The following DYTN variants were observed in gnomAD, a reference collection of about 807,000 sequenced individuals.
The protein encoded by DYTN is dystrotelin.
DYTN carries 75 observed loss-of-function variants against 69.6 expected under a neutral mutation model. The observed-to-expected ratio is 1.08, with a 90% CI of 0.89 to 1.31. DYTN has a LOEUF of 1.31. Among genes scored for constraint, DYTN ranks in the 50% most tolerant of loss-of-function variants. The probability of loss-of-function intolerance (pLI) is 0.00; values close to 1 mark genes in which losing one functional copy is unlikely to be tolerated. For missense variants in DYTN, 726 were observed against 688.4 expected (o/e 1.05, Z -0.61); for synonymous variants, 252 against 249.1 (o/e 1.01, Z -0.11).
chr2:206,663,483 A>T (rs913246541), intron 10 of DYTN, 88 bp from the exon 11 acceptor site: 1 of 1,367,422 alleles, frequency 7.3e-7, no homozygotes, highest in Non-Finnish European at 9.7e-7. Flanking sequence ...CCAACAGAAC[A>T]TTCTAATGCA....
chr2:206,657,011 C>T (rs1699458241), intron 11 of DYTN, among the ~76,000 whole-genome samples: 2 of 151,206 alleles, frequency 1.3e-5, no homozygotes, highest in South Asian at 4.2e-4. Flanking sequence ...ATCCGCCCAC[C>T]TCGGCTTCCC....
chr2:206,704,939 AAG>A lies in DYTN; in HGVS notation c.385_386del (p.Leu129PhefsTer8), dbSNP rs1489586363. The A allele has an allele frequency of 4.3e-6, 7 of 1,613,208 alleles. No homozygotes were observed. The highest frequency in any genetic ancestry group is 5.9e-6 in the Non-Finnish European group (7 of 1,179,528). On this transcript the variant is annotated frameshift_variant and splice_region_variant, in exon 5 of 12. Transcript: ENST00000452335. LOFTEE classifies it high-confidence loss of function. ...TGCTATTTTCTGCATAGAGTTGAAA[AAG>A]AGCTAGACATGTAGGAGGAACAATC... is the stretch of plus-strand genomic sequence containing the variant. ...GDSPLSKYRALFQLYAENSRG... is the reference protein window; with the variant it reads ...GDSPLSKYRAXFQLYAENSRG...
rs1230202404 is a variant in DYTN at position 206,663,328 on chromosome 2, G to A, written c.1208C>T (p.Ser403Phe). The A allele has an allele frequency of 6.2e-7, 1 of 1,613,984 alleles. No individual in the cohort carries two copies. The highest frequency in any genetic ancestry group is 2.2e-5 in the East Asian group (1 of 44,892). The change falls in exon 11 of 12, where the codon TCT becomes TTT. Residue 403 changes from serine to phenylalanine, a missense_variant. By Grantham distance (155) the Ser-to-Phe change is radical. Coordinates refer to ENST00000452335, the MANE Select transcript of DYTN (RefSeq NM_001093730.1). The part of the protein sequence containing the change: ...FQNVGNKVDH[S>F]STEKVPKGGD... ...TCCCTTTGGAACCTTTTCAGTTGAA[G>A]AATGGTCAACCTTGTTCCCCACATT... is the stretch of plus-strand genomic sequence containing the variant.
intron 9 of DYTN, among the ~76,000 whole-genome samples, chr2:206,673,227 A>G (rs941102385): frequency 3.9e-5 from 6 of 152,160 alleles, no homozygotes; most frequent in Non-Finnish European, 7.4e-5. Flanking sequence ...TGAACATTTT[A>G]CTGACATATG....
At chr2:206,712,815 T>C (rs570067627) in intron 1 of DYTN, among the ~76,000 whole-genome samples, 1 of 152,342 alleles carries the variant, frequency 6.6e-6, no homozygotes, top group East Asian at 1.9e-4. Flanking sequence ...GAGAGCACCG[T>C]CGCCTTCCCC....
At chr2:206,668,055 T>C (rs796575832) in intron 9 of DYTN, among the ~76,000 whole-genome samples, 2 of 152,166 alleles carry the variant, frequency 1.3e-5, no homozygotes, top group South Asian at 4.1e-4. Context: ...TGCTCGTAAT[T>C]GGAGTTTCAG....
intron 9 of DYTN, chr2:206,686,454 T>C (rs1398844467): frequency 1.3e-5 from 2 of 152,344 alleles, no homozygotes; most frequent in African/African-American, 2.4e-5. Flanking sequence ...CCATGAACGA[T>C]AACCAGCAGG....
intron 7 of DYTN, among the ~76,000 whole-genome samples, chr2:206,697,696 TAAACAC>T: frequency 6.6e-6 from 1 of 152,350 alleles, no homozygotes; most frequent in East Asian, 1.9e-4. Flanking sequence ...CTAGAGAGGT[TAAACAC>T]CTTGCCCAGG....
Position 206,699,860 on chromosome 2 carries a change from AT to A in DYTN, c.585del (p.Lys195AsnfsTer50). 6.2e-7 allele frequency: 1 copy of A among 1,613,388 alleles called. No homozygotes were observed. The highest frequency in any genetic ancestry group is 8.5e-7 in the Non-Finnish European group (1 of 1,179,710). On this transcript the variant is annotated frameshift_variant, in exon 7 of 12. Transcript: ENST00000452335. LOFTEE classifies it high-confidence loss of function. Reference protein sequence around the residue: ...GVLSPAIKEEKFLSWVQSEPP... With the variant: ...GVLSPAIKEEXFLSWVQSEPP... ...GGCTCAGATTGGACCCAAGACAGGA[AT>A]TTTTCTTCTTTGATTGCTGGGCTCA...
chr2:206,686,729 GC>G (rs1165428344), intron 9 of DYTN: 1 of 152,356 alleles, frequency 6.6e-6, no homozygotes, highest in Non-Finnish European at 1.5e-5. Flanking sequence ...CATTGGCATA[GC>G]TTTTTGCACA....
chr2:206,700,283 G>T, intron 5 of DYTN, 67 bp from the exon 6 acceptor site: 1 of 1,569,064 alleles, frequency 6.4e-7, no homozygotes, highest in South Asian at 1.1e-5. Context: ...GGAGCAGCAG[G>T]GCTGAGAGCT....
At chr2:206,697,644 A>G (rs1699933162) in intron 7 of DYTN, among the ~76,000 whole-genome samples, 2 of 152,212 alleles carry the variant, frequency 1.3e-5, no homozygotes, top group Admixed American at 6.5e-5. Flanking sequence ...GAATTTTACT[A>G]AAAACAAAAC....
intron 7 of DYTN, among the ~76,000 whole-genome samples, chr2:206,697,125 T>C (rs772416401): frequency 2.6e-5 from 4 of 152,246 alleles, no homozygotes; most frequent in Non-Finnish European, 4.4e-5. Flanking sequence ...TTATCAAGCA[T>C]TAACTGGATG....
At chr2:206,692,673 A>G (rs879405329) in intron 9 of DYTN, among the ~76,000 whole-genome samples, 1 of 152,206 alleles carries the variant, frequency 6.6e-6, no homozygotes, top group Non-Finnish European at 1.5e-5. Context: ...GCCATTAAAA[A>G]TGATGTTTTG....
chr2:206,684,346 C>T lies in DYTN; in HGVS notation c.980+8829G>A, dbSNP rs188164958. On this transcript the variant is annotated intron_variant, in intron 9 of 11. Coordinates refer to ENST00000452335, the MANE Select transcript of DYTN (RefSeq NM_001093730.1). The stretch of plus-strand genomic sequence containing the variant: ...TTGAGACAGGGTCTTGCTCTGTCAC[C>T]CAGGCTGGAGTGCAGTGGCACTATC... Among the ~76,000 whole-genome samples the T allele has an allele frequency of 1.4e-3, 216 of 151,992 alleles. 3 individuals carry two copies. Among genetic ancestry groups the T allele is most frequent in the Non-Finnish European group, 1.2e-4 (8 of 67,976 alleles).
intron 9 of DYTN, among the ~76,000 whole-genome samples, chr2:206,689,999 A>G (rs1461870289): frequency 6.6e-6 from 1 of 152,208 alleles, no homozygotes; most frequent in African/African-American, 2.4e-5. Context: ...AGCTTACATT[A>G]TAGAGAGGGG....
chr2:206,665,438 AATTTT>A (rs1485243616), intron 10 of DYTN, among the ~76,000 whole-genome samples: 3 of 150,956 alleles, frequency 2.0e-5, no homozygotes, highest in Non-Finnish European at 4.4e-5. Flanking sequence ...TTATTTATTT[AATTTT>A]ATTTTATTAT....
chr2:206,681,571 T>C (rs1012209674), intron 9 of DYTN, among the ~76,000 whole-genome samples: 3 of 151,752 alleles, frequency 2.0e-5, no homozygotes, highest in Non-Finnish European at 4.4e-5. Context: ...TTATCGAGAG[T>C]TTTTTTAACA....
intron 11 of DYTN, among the ~76,000 whole-genome samples, chr2:206,653,213 C>T (rs188546045): frequency 1.3e-5 from 2 of 152,262 alleles, no homozygotes; most frequent in Admixed American, 1.3e-4. Context: ...GTGATAAAAA[C>T]TTAAAATATA....
Sources: gnomAD v4.1 joint callset for allele counts (sites outside exome capture counted in the v4.1 genomes callset) on GRCh38, gnomAD v4.1.1 for gene constraint, MANE v1.5 for transcripts, NCBI Gene and HGNC (gene_info 2026-07-23, HGNC 2026-07-21) for gene names.